The following PTPRC variants were observed in gnomAD, a reference collection of about 807,000 sequenced individuals.
PTPRC encodes receptor-type tyrosine-protein phosphatase C.
Under a neutral mutation model 155.9 loss-of-function variants are expected in PTPRC, and 44 were observed. The observed-to-expected ratio is 0.28, with a 90% CI of 0.22 to 0.36. The LOEUF (loss-of-function observed/expected upper bound fraction) is 0.36. Among genes scored for constraint, PTPRC ranks in the 10% least tolerant of loss-of-function variants. The pLI, the probability that PTPRC is intolerant of heterozygous loss-of-function variation, is 1.00. For synonymous variants in PTPRC, 525 were observed against 533.1 expected, an observed-to-expected ratio of 0.98 and a Z score of 0.21; for missense variants, 1,401 against 1,564.6, an observed-to-expected ratio of 0.90 and a Z score of 1.76.
intron 20 of PTPRC, among the ~76,000 whole-genome samples, chr1:198,733,938 C>T (rs1225966778): frequency 6.6e-6 from 1 of 151,694 alleles, no homozygotes; most frequent in Non-Finnish European, 1.5e-5. Context: ...AAGATGAAAC[C>T]TAGTATTAAA....
At chr1:198,680,114 C>G in intron 2 of PTPRC, 1 of 408,868 alleles carries the variant, frequency 2.4e-6, no homozygotes, top group Non-Finnish European at 4.4e-6. Flanking sequence ...GACTCGGCAG[C>G]CTCTGAAAAC....
intron 29 of PTPRC, among the ~76,000 whole-genome samples, chr1:198,751,776 C>G (rs1655396786): frequency 2.0e-5 from 3 of 151,986 alleles, no homozygotes; most frequent in Admixed American, 2.0e-4. Context: ...ATATATAAAG[C>G]TGCTTATGGT....
chr1:198,670,641 A>T (rs764045585), intron 2 of PTPRC, among the ~76,000 whole-genome samples: 4 of 152,156 alleles, frequency 2.6e-5, no homozygotes, highest in South Asian at 2.1e-4. Flanking sequence ...AGCAGATAAA[A>T]AAAATACCCA....
At chr1:198,658,903 C>T (rs1047862509) in intron 2 of PTPRC, among the ~76,000 whole-genome samples, 1 of 151,994 alleles carries the variant, frequency 6.6e-6, no homozygotes, top group Admixed American at 6.5e-5. Flanking sequence ...TTCATCAAAT[C>T]ATTTGAGAAC....
intron 2 of PTPRC, among the ~76,000 whole-genome samples, chr1:198,652,947 G>A (rs1663336026): frequency 6.6e-6 from 1 of 151,926 alleles, no homozygotes; most frequent in East Asian, 1.9e-4. Context: ...CAAAATTCTG[G>A]AAGTAGAACG....
At chr1:198,752,885 C>T in intron 31 of PTPRC, 113 bp downstream of exon 31, 1 of 1,161,032 alleles carries the variant, frequency 8.6e-7, no homozygotes, top group South Asian at 1.3e-5. Context: ...ACAGTAAAAA[C>T]TTCTTATGGA....
chr1:198,706,903 T>G lies in PTPRC; in HGVS notation c.855T>G (p.His285Gln), dbSNP rs1178168643. The change falls in exon 9 of 33, where the codon CAT becomes CAG. Residue 285 changes from histidine to glutamine, a missense_variant. Transcript: ENST00000442510. Reference protein sequence around the residue: ...ECKNASVSISHNSCTAPDKTL... With the variant: ...ECKNASVSISQNSCTAPDKTL... Reference sequence around the variant, plus strand: ...AAAATGCGTCTGTTTCCATATCTCATAATTCATGTACTGCTCCTGATAAGA... The same window carrying G: ...AAAATGCGTCTGTTTCCATATCTCAGAATTCATGTACTGCTCCTGATAAGA... 6.2e-7 allele frequency: 1 copy of G among 1,613,118 alleles called. No individual in the cohort carries two copies. The highest frequency in any genetic ancestry group is 8.5e-7 in the Non-Finnish European group (1 of 1,179,100).
intron 9 of PTPRC, 70 bp downstream of exon 9, chr1:198,707,022 T>A (rs993434161): frequency 8.5e-6 from 11 of 1,292,206 alleles, no homozygotes; most frequent in Non-Finnish European, 4.4e-6. Flanking sequence ...TGTTCTCCAG[T>A]GGTCACAGGA....
intron 2 of PTPRC, among the ~76,000 whole-genome samples, chr1:198,664,737 A>G (rs542853835): frequency 1.1e-4 from 17 of 152,210 alleles, no homozygotes; most frequent in Non-Finnish European, 2.4e-4. Context: ...GAAGACTACA[A>G]AATCTCCTCT....
At chr1:198,652,261 T>C (rs1249066392) in intron 2 of PTPRC, among the ~76,000 whole-genome samples, 1 of 151,604 alleles carries the variant, frequency 6.6e-6, no homozygotes, top group East Asian at 1.9e-4. Flanking sequence ...TTAATCCTTA[T>C]TTAAAAGACT....
intron 26 of PTPRC, 150 bp downstream of exon 26, chr1:198,744,353 T>C: frequency 1.3e-6 from 1 of 785,364 alleles, no homozygotes; most frequent in Non-Finnish European, 2.1e-6. Flanking sequence ...TAGGACACAG[T>C]GAGTTAAGAG....
At chr1:198,673,581 T>TG (rs1266063549) in intron 2 of PTPRC, among the ~76,000 whole-genome samples, 1 of 152,168 alleles carries the variant, frequency 6.6e-6, no homozygotes, top group Non-Finnish European at 1.5e-5. Flanking sequence ...AAGAGGAAAG[T>TG]GTTTATTTTC....
At chr1:198,680,414 CG>C (rs1665249207) in intron 2 of PTPRC, among the ~76,000 whole-genome samples, 1 of 149,644 alleles carries the variant, frequency 6.7e-6, no homozygotes. Context: ...GATAGTGCCA[CG>C]GCACTCCAGC....
Position 198,718,227 on chromosome 1 carries a change from G to T in PTPRC, c.1584G>T (p.Leu528=), listed in dbSNP as rs148497366. The T allele has an allele frequency of 8.1e-6, 13 of 1,614,018 alleles. No homozygotes were observed. Among genetic ancestry groups the T allele is most frequent in the Non-Finnish European group, 1.1e-5 (13 of 1,179,992 alleles). The change falls in exon 14 of 33, where the codon CTG becomes CTT. Residue 528 remains leucine, a synonymous_variant. Transcript: ENST00000442510. ...YHLEVEAGNT[L]VRNESHKNCD... The stretch of plus-strand genomic sequence containing the variant: ...TGGAAGTTGAAGCTGGAAATACTCT[G>T]GTTAGAAATGAGTCGCATAAGAATT...
chr1:198,701,503 C>A (rs991319476), intron 5 of PTPRC, among the ~76,000 whole-genome samples: 8 of 152,174 alleles, frequency 5.3e-5, no homozygotes, highest in Admixed American at 1.3e-4. Flanking sequence ...TGGCAACTAG[C>A]ATAGTGCTAG....
intron 2 of PTPRC, among the ~76,000 whole-genome samples, chr1:198,668,746 A>G (rs1664469688): frequency 1.3e-5 from 2 of 152,208 alleles, no homozygotes; most frequent in South Asian, 4.1e-4. Context: ...GTGATTTCAG[A>G]TCCCAAAAGG....
At chr1:198,644,625 G>A (rs1662836389) in intron 2 of PTPRC, among the ~76,000 whole-genome samples, 1 of 151,660 alleles carries the variant, frequency 6.6e-6, no homozygotes, top group South Asian at 2.1e-4. Context: ...CAAAAAACAA[G>A]AACAAATAGA....
At chr1:198,745,235 A>G (rs912695837) in intron 26 of PTPRC, among the ~76,000 whole-genome samples, 3 of 151,848 alleles carry the variant, frequency 2.0e-5, no homozygotes, top group African/African-American at 7.2e-5. Context: ...GCCAAGTACA[A>G]TTCTAGGCAC....
chr1:198,696,439 T>C (rs960891632), intron 3 of PTPRC, among the ~76,000 whole-genome samples: 17 of 152,242 alleles, frequency 1.1e-4, no homozygotes, highest in African/African-American at 3.9e-4. Context: ...GCTAATGTTC[T>C]GTAGCTTGTT....
Sources: gnomAD v4.1 joint callset for allele counts (sites outside exome capture counted in the v4.1 genomes callset) on GRCh38, gnomAD v4.1.1 for gene constraint, MANE v1.5 for transcripts, NCBI Gene and HGNC (gene_info 2026-07-23, HGNC 2026-07-21) for gene names.